CAMK1D: variants seen among roughly 807,000 people sequenced by gnomAD.
CAMK1D encodes calcium/calmodulin dependent protein kinase ID.
Under a neutral mutation model 47.7 loss-of-function variants are expected in CAMK1D, and 9 were observed. The ratio of observed to expected loss-of-function variants is 0.19; its 90% CI spans 0.11 to 0.33. CAMK1D has a LOEUF of 0.33. CAMK1D is among the 10% of genes least tolerant of loss of function. CAMK1D has a pLI of 1.00. For synonymous variants in CAMK1D, 184 were observed against 184.9 expected (o/e 0.99, Z 0.04); for missense variants, 291 against 488.7 (o/e 0.60, Z 3.81).
chr10:12,591,729 T>C (rs1838001281), intron 2 of CAMK1D, among the ~76,000 whole-genome samples: 1 of 152,252 alleles, frequency 6.6e-6, no homozygotes, highest in Non-Finnish European at 1.5e-5. Flanking sequence ...AGTCTCGCCC[T>C]GTCCCCCAGG....
rs777362227 is a variant in CAMK1D at position 12,825,688 on chromosome 10, A to T, written c.1037A>T (p.Asp346Val). 2 of 1,614,264 alleles carry T rather than the reference A, an allele frequency of 1.2e-6. No individual in the cohort carries two copies. The highest frequency in any genetic ancestry group is 1.7e-6 in the Non-Finnish European group (2 of 1,180,046). Residue 346 changes from aspartate (D) to valine (V), a missense_variant and splice_region_variant, in exon 10 of 11, where the codon GAC (aspartate) becomes GTC (valine). Around this residue, in one of 2 missense-constraint regions of CAMK1D, gnomAD observed 72 missense variants for 64.4 expected, o/e 1.12. Coordinates refer to ENST00000619168, the MANE Select transcript of CAMK1D (RefSeq NM_153498.4). The part of the protein sequence containing the change: ...SSSLSLASQK[D>V]CLAPSTLCSF... Reference sequence around the variant, plus strand: ...AGCCTCAGTTTGGCCAGCCAAAAAGACTGTGCGTATGTAGCAAAACCAGAA... The same window carrying T: ...AGCCTCAGTTTGGCCAGCCAAAAAGTCTGTGCGTATGTAGCAAAACCAGAA...
intron 1 of CAMK1D, among the ~76,000 whole-genome samples, chr10:12,403,747 G>A (rs113608426): frequency 0.011 from 1,685 of 152,094 alleles, 31 homozygotes; most frequent in African/African-American, 0.038. Context: ...AATTTGTATT[G>A]TAACAACTAT....
intron 1 of CAMK1D, among the ~76,000 whole-genome samples, chr10:12,545,605 T>G (rs1004891065): frequency 6.6e-6 from 1 of 150,962 alleles, no homozygotes; most frequent in African/African-American, 2.4e-5. Flanking sequence ...ATCGAGACCA[T>G]CCTGGCCAAC....
chr10:12,699,152 G>A (rs4517417), intron 3 of CAMK1D, among the ~76,000 whole-genome samples: 1 of 152,064 alleles, frequency 6.6e-6, no homozygotes, highest in East Asian at 1.9e-4. Flanking sequence ...CCCTTTCTCA[G>A]GCATTTTTCT....
Position 12,427,357 on chromosome 10 carries a change from G to T in CAMK1D, c.92+77447G>T, listed in dbSNP as rs528626289. Among the ~76,000 whole-genome samples, 3 of 152,282 alleles carry T rather than the reference G, an allele frequency of 2.0e-5. No individual in the cohort carries two copies. The East Asian group carries it at 5.8e-4, about 29-fold the overall frequency. ...CAGGTGGCTGCCCAGAGGGAAGTGG[G>T]GTGCGGGGACAGCAGAGTCCCAAAG... On this transcript the variant is annotated intron_variant, in intron 1 of 10. Transcript: ENST00000619168.
intron 3 of CAMK1D, among the ~76,000 whole-genome samples, chr10:12,753,697 C>T (rs1023558809): frequency 1.3e-5 from 2 of 152,174 alleles, no homozygotes; most frequent in African/African-American, 4.8e-5. Flanking sequence ...AGTGGCTGCA[C>T]CAGCCACCCA....
rs552137102 is a variant in CAMK1D at position 12,831,498 on chromosome 10, C to T, written c.*2611C>T. The T allele has an allele frequency of 2.6e-5, 4 of 152,350 alleles. No individual in the cohort carries two copies. The highest frequency in any genetic ancestry group is 5.9e-5 in the Non-Finnish European group (4 of 68,036). 9.4% of individuals were successfully genotyped at this position (152,350 alleles called of 1,614,324 possible). A position where few individuals can be genotyped will look rare whatever the true frequency, so the allele number is the denominator to read the frequency against. ...CCATTACTGGTGATTGAAGTATTTTCAGGAGCAGATACATGTGGTGCATGT... is the reference window on the plus strand; with the variant it reads ...CCATTACTGGTGATTGAAGTATTTTTAGGAGCAGATACATGTGGTGCATGT... On this transcript the variant is annotated 3_prime_UTR_variant, in exon 11 of 11. Coordinates refer to ENST00000619168, the MANE Select transcript of CAMK1D (RefSeq NM_153498.4).
intron 2 of CAMK1D, among the ~76,000 whole-genome samples, chr10:12,634,957 A>G (rs1204706902): frequency 6.6e-6 from 1 of 152,026 alleles, no homozygotes; most frequent in African/African-American, 2.4e-5. Flanking sequence ...TTGCTCACTC[A>G]TTCCTTCATT....
intron 1 of CAMK1D, among the ~76,000 whole-genome samples, chr10:12,440,097 C>T (rs1255799535): frequency 6.6e-6 from 1 of 152,142 alleles, no homozygotes; most frequent in Non-Finnish European, 1.5e-5. Flanking sequence ...TGGGTGGGGA[C>T]ACAGCCAAAC....
intron 1 of CAMK1D, among the ~76,000 whole-genome samples, chr10:12,430,748 T>C (rs1832445573): frequency 6.6e-6 from 1 of 152,056 alleles, no homozygotes; most frequent in Admixed American, 6.6e-5. Context: ...ATGATGATGA[T>C]GATGATGATG....
At chr10:12,763,645 G>A (rs1003566898) in intron 4 of CAMK1D, among the ~76,000 whole-genome samples, 1 of 152,154 alleles carries the variant, frequency 6.6e-6, no homozygotes, top group African/African-American at 2.4e-5. Flanking sequence ...ATGTCCCTAG[G>A]CATTGCCAGA....
intron 1 of CAMK1D, among the ~76,000 whole-genome samples, chr10:12,422,488 C>T (rs1311009051): frequency 1.3e-5 from 2 of 152,088 alleles, no homozygotes; most frequent in African/African-American, 4.8e-5. Context: ...GATGCGATGC[C>T]TGGATACGAA....
In CAMK1D at chr10:12,449,743, G is replaced by A. The variant is rs1381438593; in HGVS notation, c.92+99833G>A. ...ATGTTGGCCGGGCGTGGTGGCCCAC[G>A]CCTATAATCATTTGGGAGGCCTAGG... On this transcript the variant is annotated intron_variant, in intron 1 of 10. Transcript: ENST00000619168. 3.3e-5 allele frequency among the ~76,000 whole-genome samples: 5 copies of A among 152,284 alleles called. No homozygotes were observed. In the East Asian group the frequency reaches 9.7e-4, roughly 29 times the overall value.
intron 2 of CAMK1D, among the ~76,000 whole-genome samples, chr10:12,629,285 G>A (rs979141096): frequency 6.6e-6 from 1 of 152,170 alleles, no homozygotes; most frequent in Non-Finnish European, 1.5e-5. Context: ...TTTAAAGACT[G>A]ATCCAGTCCT....
At chr10:12,730,787 G>C (rs1213688394) in intron 3 of CAMK1D, among the ~76,000 whole-genome samples, 1 of 152,196 alleles carries the variant, frequency 6.6e-6, no homozygotes, top group Admixed American at 6.5e-5. Flanking sequence ...CCCACTGGTA[G>C]CTCAAGTAGG....
At chr10:12,471,797 C>T (rs566110404) in intron 1 of CAMK1D, among the ~76,000 whole-genome samples, 7 of 152,084 alleles carry the variant, frequency 4.6e-5, no homozygotes, top group South Asian at 4.2e-4. Context: ...TTTGGGAAGC[C>T]GAGATGGGAG....
intron 1 of CAMK1D, among the ~76,000 whole-genome samples, chr10:12,418,093 G>T (rs1314985590): frequency 2.0e-5 from 3 of 152,178 alleles, no homozygotes; most frequent in Admixed American, 2.0e-4. Context: ...GAGCCACCAC[G>T]CCTGGCCTCG....
At chr10:12,728,832 C>T (rs1233084187) in intron 3 of CAMK1D, among the ~76,000 whole-genome samples, 5 of 152,160 alleles carry the variant, frequency 3.3e-5, no homozygotes, top group South Asian at 4.1e-4. Context: ...TGTATGTGTG[C>T]GCACGCACAC....
At chr10:12,793,138 T>C (rs1838057241) in intron 6 of CAMK1D, among the ~76,000 whole-genome samples, 1 of 152,172 alleles carries the variant, frequency 6.6e-6, no homozygotes, top group African/African-American at 2.4e-5. Context: ...AGCTTGACTA[T>C]GGAAGGCTTA....
Sources: allele counts gnomAD v4.1 joint callset (sites outside exome capture counted in the v4.1 genomes callset), GRCh38; gene constraint gnomAD v4.1.1; regional missense constraint gnomAD v4.1.1; transcripts MANE v1.5; gene names NCBI Gene and HGNC (gene_info 2026-07-23, HGNC 2026-07-21).